Variants in OSBP observed in about 807,000 individuals in gnomAD.
The protein encoded by OSBP is oxysterol-binding protein 1.
OSBP carries 32 observed loss-of-function variants against 96.6 expected under a neutral mutation model. That is an observed-to-expected ratio of 0.33 (90% CI 0.25 to 0.45). OSBP has a LOEUF of 0.45. Ranked by LOEUF, OSBP falls within the 20% of genes least tolerant of loss-of-function variation. The probability of loss-of-function intolerance (pLI) is 1.00; values close to 1 mark genes in which losing one functional copy is unlikely to be tolerated. For missense variants in OSBP, 653 were observed against 1,029.7 expected, an observed-to-expected ratio of 0.63 and a Z score of 5.01; for synonymous variants, 369 against 389.6, an observed-to-expected ratio of 0.95 and a Z score of 0.62.
intron 7 of OSBP, among the ~76,000 whole-genome samples, chr11:59,598,850 A>G (rs964586500): frequency 2.2e-4 from 34 of 152,322 alleles, no homozygotes; most frequent in Admixed American, 9.8e-4. Flanking sequence ...TTGGCCTCCC[A>G]AAGTGCTGGG....
chr11:59,583,284 C>T (rs1381831938), intron 9 of OSBP, among the ~76,000 whole-genome samples: 1 of 151,920 alleles, frequency 6.6e-6, no homozygotes, highest in Non-Finnish European at 1.5e-5. Context: ...TGCACTCCAG[C>T]CTGGACGACA....
intron 7 of OSBP, among the ~76,000 whole-genome samples, chr11:59,599,370 G>A (rs982656685): frequency 6.6e-6 from 1 of 152,040 alleles, no homozygotes; most frequent in African/African-American, 2.4e-5. Context: ...TTGGCCTGAG[G>A]GCCTTAGTGT....
chr11:59,587,997 G>T (rs533445093), intron 9 of OSBP, among the ~76,000 whole-genome samples: 1 of 152,202 alleles, frequency 6.6e-6, no homozygotes, highest in African/African-American at 2.4e-5. Flanking sequence ...ATCAACAGAT[G>T]AATGGATAAG....
chr11:59,599,251 T>C (rs900319495), intron 7 of OSBP, among the ~76,000 whole-genome samples: 1 of 152,226 alleles, frequency 6.6e-6, no homozygotes, highest in Non-Finnish European at 1.5e-5. Context: ...AGATGATACG[T>C]AAATGAAAGA....
chr11:59,605,862 AG>A (rs1860774712), intron 3 of OSBP, among the ~76,000 whole-genome samples: 1 of 152,190 alleles, frequency 6.6e-6, no homozygotes. Context: ...CAGAGGATGC[AG>A]GTTGCCCCAA....
At chr11:59,599,460 T>C (rs1860693767) in intron 7 of OSBP, among the ~76,000 whole-genome samples, 1 of 152,108 alleles carries the variant, frequency 6.6e-6, no homozygotes, top group Non-Finnish European at 1.5e-5. Flanking sequence ...CATGAATTTG[T>C]TTCTTTAATA....
At position 59,604,309 on chromosome 11, in the gene OSBP, G is replaced by A. The variant is rs150712194; in HGVS notation, c.823-2471C>T. ...CTCACGTATGTAAAACACTTTGGAA[G>A]GCCAAGACAGAAGGAGTACCTGAGA... On this transcript the variant is annotated intron_variant, in intron 3 of 13. Transcript: ENST00000263847. 7.2e-3 allele frequency among the ~76,000 whole-genome samples: 1,103 copies of A among 152,234 alleles called. 3 individuals carry two copies. The highest frequency in any genetic ancestry group is 0.031 in the Middle Eastern group (9 of 294).
chr11:59,606,360 A>C (rs1860780933), intron 3 of OSBP, among the ~76,000 whole-genome samples: 1 of 152,150 alleles, frequency 6.6e-6, no homozygotes, highest in Admixed American at 6.5e-5. Context: ...TAAAAAAAAA[A>C]CAATATCATG....
intron 3 of OSBP, among the ~76,000 whole-genome samples, chr11:59,602,343 G>C (rs1184659810): frequency 6.6e-6 from 1 of 152,150 alleles, no homozygotes; most frequent in Non-Finnish European, 1.5e-5. Context: ...GTCACTAAGA[G>C]AAACAACTGA....
intron 7 of OSBP, chr11:59,594,958 T>C (rs1860630122): frequency 6.5e-6 from 1 of 154,506 alleles, no homozygotes; most frequent in Non-Finnish European, 1.5e-5. Flanking sequence ...GGGGCTTCTG[T>C]TGGGGGAGAT....
chr11:59,599,968 A>T (rs1187825397), intron 7 of OSBP, among the ~76,000 whole-genome samples: 1 of 152,182 alleles, frequency 6.6e-6, no homozygotes, highest in Non-Finnish European at 1.5e-5. Flanking sequence ...ATTTTTCAAA[A>T]ATCACTCTGA....
chr11:59,580,057 T>C (rs1860402891), intron 11 of OSBP, 117 bp downstream of exon 11: 9 of 745,654 alleles, frequency 1.2e-5, no homozygotes, highest in South Asian at 1.0e-4. Context: ...ACATACACTA[T>C]ATAAAATGTA....
chr11:59,579,335 C>CTTTTTTTT (rs760297069), intron 11 of OSBP, among the ~76,000 whole-genome samples: 1 of 141,696 alleles, frequency 7.1e-6, no homozygotes. Flanking sequence ...TTCTTTCTTT[C>CTTTTTTTT]TTTTTTTTTT....
chr11:59,615,425 G>A lies in OSBP; in HGVS notation c.240C>T (p.Gly80=). Residue 80 remains glycine (G), a synonymous_variant, in exon 1 of 14, where the codon GGC becomes GGT. Transcript: ENST00000263847. ...AGCCCGAACCCCCAGCGCCCGAGCC[G>A]CCCGAGCCCCCAGTCGGCGGCGCAG... The part of the protein sequence containing the change: ...PAPAPPTGGS[G]GSGAGGSGSA... 4.6e-6 allele frequency: 7 copies of A among 1,507,046 alleles called. No homozygotes were observed. The highest frequency in any genetic ancestry group is 6.2e-6 in the Non-Finnish European group (7 of 1,122,392). 93.4% of individuals were successfully genotyped at this position (1,507,046 alleles called of 1,614,324 possible).
intron 6 of OSBP, 77 bp downstream of exon 6, chr11:59,600,742 T>G: frequency 6.7e-7 from 1 of 1,487,600 alleles, no homozygotes; most frequent in South Asian, 1.2e-5. Context: ...TCTTAGCACT[T>G]CACAAAAAAA....
At chr11:59,610,283 G>C (rs1267066478) in intron 2 of OSBP, 98 bp downstream of exon 2, 1 of 1,005,228 alleles carries the variant, frequency 9.9e-7, no homozygotes, top group Non-Finnish European at 1.6e-6. Flanking sequence ...TAGGAAATAG[G>C]TGATAATCAA....
intron 7 of OSBP, among the ~76,000 whole-genome samples, chr11:59,600,060 T>C (rs1024187070): frequency 1.4e-5 from 2 of 144,290 alleles, no homozygotes; most frequent in African/African-American, 5.9e-5. Flanking sequence ...GGGATGGTCA[T>C]CTGTCTGGTT....
rs117769568 is a variant in OSBP, at chr11:59,614,977, C to A, written c.362+326G>T. 2.4e-3 allele frequency among the ~76,000 whole-genome samples: 359 copies of A among 152,278 alleles called. 2 individuals carry two copies. The highest frequency in any genetic ancestry group is 4.4e-3 in the Non-Finnish European group (299 of 68,026). ...AGTACCTACACCAGTGCCTTGCTTGCAGAATTAATAATTGCACCCATGTGC... is the reference window on the plus strand; with the variant it reads ...AGTACCTACACCAGTGCCTTGCTTGAAGAATTAATAATTGCACCCATGTGC... On this transcript the variant is annotated intron_variant, in intron 1 of 13. Transcript: ENST00000263847.
chr11:59,598,478 C>T (rs1860683710), intron 7 of OSBP, among the ~76,000 whole-genome samples: 1 of 152,200 alleles, frequency 6.6e-6, no homozygotes, highest in Non-Finnish European at 1.5e-5. Context: ...AAGGCCATGC[C>T]ATCCAGAACA....
Sources: allele counts gnomAD v4.1 joint callset (sites outside exome capture counted in the v4.1 genomes callset), GRCh38; gene constraint gnomAD v4.1.1; transcripts MANE v1.5; gene names NCBI Gene and HGNC (gene_info 2026-07-23, HGNC 2026-07-21).